Variants in NCKAP5 observed in about 807,000 individuals in gnomAD.
NCKAP5 encodes the protein NCK associated protein 5, also known as nck-associated protein 5.
In NCKAP5, 92 loss-of-function variants were observed where a neutral mutation model predicts 167.0. The ratio of observed to expected loss-of-function variants is 0.55; its 90% CI spans 0.47 to 0.66. The LOEUF (loss-of-function observed/expected upper bound fraction) is 0.66, where lower values mean the gene tolerates loss of function less well. Among genes scored for constraint, NCKAP5 ranks in the 30% least tolerant of loss-of-function variants. The probability of loss-of-function intolerance (pLI) is 0.00; values close to 1 mark genes in which losing one functional copy is unlikely to be tolerated. For missense variants in NCKAP5, 2,378 were observed against 2,315.0 expected (o/e 1.03, Z -0.56); for synonymous variants, 891 against 877.4 (o/e 1.02, Z -0.27).
At chr2:133,648,927 A>G in the NCKAP5 span, among the ~76,000 whole-genome samples, 1 of 151,890 alleles carries the variant, frequency 6.6e-6, no homozygotes, top group South Asian at 2.1e-4. Flanking sequence ...TAAATAATAG[A>G]AAATCAGTAA....
chr2:133,222,174 T>C (rs1559285938), intron 4 of NCKAP5, among the ~76,000 whole-genome samples: 1 of 152,150 alleles, frequency 6.6e-6, no homozygotes, highest in Non-Finnish European at 1.5e-5. Flanking sequence ...AAAAAATTAC[T>C]GAGAATCCCA....
At chr2:132,995,949 G>C (rs2077586609) in intron 6 of NCKAP5, among the ~76,000 whole-genome samples, 2 of 152,118 alleles carry the variant, frequency 1.3e-5, no homozygotes, top group South Asian at 4.1e-4. Flanking sequence ...ACTCCAGCCT[G>C]GGCAACAAGA....
intron 3 of NCKAP5, among the ~76,000 whole-genome samples, chr2:133,303,772 A>G (rs1022226224): frequency 6.6e-6 from 1 of 151,966 alleles, no homozygotes; most frequent in African/African-American, 2.4e-5. Context: ...AATGTATCTG[A>G]AAAAAAATTA....
chr2:133,665,381 C>G, the NCKAP5 span, among the ~76,000 whole-genome samples: 4 of 152,104 alleles, frequency 2.6e-5, no homozygotes, highest in African/African-American at 7.2e-5. Context: ...AATTTCAATA[C>G]TGTTGTGTCT....
chr2:133,582,298 A>AC, the NCKAP5 span, among the ~76,000 whole-genome samples: 1 of 152,190 alleles, frequency 6.6e-6, no homozygotes, highest in Admixed American at 6.5e-5. Context: ...ACATTGTTCC[A>AC]CAAGTGCCCC....
intron 6 of NCKAP5, among the ~76,000 whole-genome samples, chr2:132,997,936 A>G (rs2077656115): frequency 6.6e-6 from 1 of 152,076 alleles, no homozygotes; most frequent in Non-Finnish European, 1.5e-5. Flanking sequence ...ATGTTTGCCG[A>G]ACTATCATAA....
At chr2:133,523,370 T>C (rs918534324) in intron 2 of NCKAP5, among the ~76,000 whole-genome samples, 17 of 152,048 alleles carry the variant, frequency 1.1e-4, no homozygotes, top group African/African-American at 3.9e-4. Flanking sequence ...GACACCACTT[T>C]CTCCATCTCA....
the NCKAP5 span, among the ~76,000 whole-genome samples, chr2:133,658,415 G>A: frequency 6.6e-6 from 1 of 152,118 alleles, no homozygotes; most frequent in Admixed American, 6.6e-5. Flanking sequence ...AATATCGAGA[G>A]GATGAAAAAT....
intron 4 of NCKAP5, among the ~76,000 whole-genome samples, chr2:133,229,933 G>A (rs1487254115): frequency 6.6e-6 from 1 of 151,272 alleles, no homozygotes; most frequent in Non-Finnish European, 1.5e-5. Flanking sequence ...ACTGGCTAGG[G>A]AAAGTTACTC....
At position 133,213,735 on chromosome 2, in the gene NCKAP5, C is replaced by A; in HGVS notation, c.188G>T (p.Arg63Ile). 6.2e-7 allele frequency: 1 copy of A among 1,613,768 alleles called. No individual in the cohort carries two copies. Among genetic ancestry groups the A allele is most frequent in the South Asian group, 1.1e-5 (1 of 91,054 alleles). ...ACTTACCATGGCCCCCTCACTTGTT[C>A]TTTGGGCAACTTCTCGCTGTAGTCG... is the stretch of plus-strand genomic sequence containing the variant. ...VARLQREVAQ[R>I]TSEGAMHEKL... Residue 63 changes from arginine to isoleucine, a missense_variant, in exon 5 of 20, where the codon AGA (arginine) becomes ATA (isoleucine). Coordinates refer to ENST00000409261, the MANE Select transcript of NCKAP5 (RefSeq NM_207363.3).
chr2:133,372,461 TCTC>T (rs1387185398), intron 3 of NCKAP5, among the ~76,000 whole-genome samples: 1 of 152,202 alleles, frequency 6.6e-6, no homozygotes, highest in East Asian at 1.9e-4. Context: ...TTTCTCAACA[TCTC>T]CTCACTGCAA....
chr2:132,924,336 A>G (rs1422087952), intron 8 of NCKAP5, among the ~76,000 whole-genome samples: 1 of 152,208 alleles, frequency 6.6e-6, no homozygotes. Flanking sequence ...ACGATGTCGT[A>G]GATGGAAGTT....
intron 4 of NCKAP5, among the ~76,000 whole-genome samples, chr2:133,233,068 C>T (rs1216616713): frequency 2.0e-5 from 3 of 152,154 alleles, no homozygotes; most frequent in African/African-American, 7.2e-5. Context: ...CTGCTGCTCC[C>T]TGGAAAAACC....
the NCKAP5 span, among the ~76,000 whole-genome samples, chr2:133,619,596 T>C: frequency 0.88 from 133,241 of 151,990 alleles, 59,640 homozygotes; most frequent in Non-Finnish European, 0.99. Flanking sequence ...GGACTTTGTC[T>C]AAACCTAAGA....
At chr2:133,401,017 T>G (rs1002337827) in intron 3 of NCKAP5, among the ~76,000 whole-genome samples, 9 of 152,138 alleles carry the variant, frequency 5.9e-5, no homozygotes. Flanking sequence ...GGACCCTAGA[T>G]AGTTTCCGGA....
chr2:133,116,442 C>T (rs1322942284), intron 6 of NCKAP5, among the ~76,000 whole-genome samples: 1 of 77,504 alleles, frequency 1.3e-5, no homozygotes, highest in African/African-American at 7.3e-5. Flanking sequence ...GAGCCGAGAT[C>T]GCGCCACTGC....
At chr2:132,777,441 G>A (rs1433992241) in intron 15 of NCKAP5, among the ~76,000 whole-genome samples, 1 of 152,064 alleles carries the variant, frequency 6.6e-6, no homozygotes, top group Non-Finnish European at 1.5e-5. Context: ...CCAAATTTGA[G>A]AACATCCTTC....
intron 11 of NCKAP5, among the ~76,000 whole-genome samples, chr2:132,802,319 G>C (rs1459206746): frequency 2.0e-5 from 3 of 152,134 alleles, no homozygotes; most frequent in Non-Finnish European, 4.4e-5. Flanking sequence ...TGGATGTTGG[G>C]CTGATTTCTC....
At chr2:133,103,885 A>C (rs1408311865) in intron 6 of NCKAP5, among the ~76,000 whole-genome samples, 1 of 152,156 alleles carries the variant, frequency 6.6e-6, no homozygotes, top group African/African-American at 2.4e-5. Flanking sequence ...CTTTAAATGT[A>C]ATTTAACCAA....
Sources: allele counts gnomAD v4.1 joint callset (sites outside exome capture counted in the v4.1 genomes callset), GRCh38; gene constraint gnomAD v4.1.1; transcripts MANE v1.5; gene names NCBI Gene and HGNC (gene_info 2026-07-23, HGNC 2026-07-21).